Variants in DLGAP2 observed in about 807,000 individuals in gnomAD.
The protein encoded by DLGAP2 is disks large-associated protein 2.
Under a neutral mutation model 100.3 loss-of-function variants are expected in DLGAP2, and 26 were observed. The ratio of observed to expected loss-of-function variants is 0.26; its 90% CI spans 0.19 to 0.36. The LOEUF (loss-of-function observed/expected upper bound fraction) is 0.36, where lower values mean the gene tolerates loss of function less well. Ranked by LOEUF, DLGAP2 falls within the 10% of genes least tolerant of loss-of-function variation. The pLI is 1.00. For missense variants in DLGAP2, 1,858 were observed against 1,453.2 expected (o/e 1.28, Z -4.53); for synonymous variants, 886 against 630.1 (o/e 1.41, Z -6.08).
intron 3 of DLGAP2, chr8:1,262,581 T>C (rs945311702): frequency 5.9e-5 from 9 of 152,184 alleles, no homozygotes; most frequent in Admixed American, 5.9e-4. Context: ...CTCAGAACAA[T>C]CTCAGTTGTC....
intron 2 of DLGAP2, among the ~76,000 whole-genome samples, chr8:1,116,629 C>G (rs1213541742): frequency 2.6e-5 from 4 of 151,998 alleles, no homozygotes; most frequent in Non-Finnish European, 5.9e-5. Context: ...AACCCCATCT[C>G]TACAAAAAAA....
chr8:982,385 C>G (rs1800362381), intron 2 of DLGAP2, among the ~76,000 whole-genome samples: 1 of 152,184 alleles, frequency 6.6e-6, no homozygotes, highest in Non-Finnish European at 1.5e-5. Context: ...GGCTTCTTTA[C>G]TCTTATCTCA....
intron 6 of DLGAP2, chr8:1,621,187 C>G (rs570955810): frequency 2.0e-5 from 3 of 152,332 alleles, no homozygotes; most frequent in Admixed American, 6.5e-5. Flanking sequence ...TTTGGGAAGC[C>G]TTTGGTGGCA....
chr8:1,209,149 A>C (rs1043386452), intron 2 of DLGAP2, among the ~76,000 whole-genome samples: 1 of 152,168 alleles, frequency 6.6e-6, no homozygotes, highest in Non-Finnish European at 1.5e-5. Flanking sequence ...TAGAAAAAAC[A>C]ATCCTAAAAT....
rs75357778 is a variant in DLGAP2, at chr8:1,678,147, G to A, written c.2289-67G>A. The A allele has an allele frequency of 1.0e-3, 1,532 of 1,533,808 alleles. 12 individuals carry two copies. In the African/African-American group the frequency reaches 0.018, roughly 18 times the overall value. ...CAGGTGCGCTCCTGACAGGCGACAT[G>A]TAGGACTTTGTTGCATGAAGTCCTC... is the stretch of plus-strand genomic sequence containing the variant. On this transcript the variant is annotated intron_variant, in intron 11 of 14. Coordinates refer to ENST00000637795, the MANE Select transcript of DLGAP2 (RefSeq NM_001346810.2).
intron 2 of DLGAP2, among the ~76,000 whole-genome samples, chr8:1,086,278 T>C (rs1803970845): frequency 6.6e-6 from 1 of 152,204 alleles, no homozygotes; most frequent in African/African-American, 2.4e-5. Flanking sequence ...TTGCCCAGCA[T>C]AGGACTTCTA....
At chr8:1,112,237 ATTTTTTT>A (rs4044488) in intron 2 of DLGAP2, among the ~76,000 whole-genome samples, 11 of 98,032 alleles carry the variant, frequency 1.1e-4, no homozygotes, top group Non-Finnish European at 1.9e-4. Flanking sequence ...TCCTTTGCCC[ATTTTTTT>A]TTTTTTTTTT....
chr8:1,507,446 G>C (rs1362934471), intron 4 of DLGAP2, among the ~76,000 whole-genome samples: 1 of 152,150 alleles, frequency 6.6e-6, no homozygotes, highest in Non-Finnish European at 1.5e-5. Flanking sequence ...CGCTCCAAGT[G>C]CGGGGCCGCG....
At chr8:1,631,125 CA>C (rs1449712159) in intron 7 of DLGAP2, among the ~76,000 whole-genome samples, 1 of 152,122 alleles carries the variant, frequency 6.6e-6, no homozygotes, top group Non-Finnish European at 1.5e-5. Context: ...AGATGCTGCT[CA>C]ACCACTTTTT....
chr8:862,308 T>C (rs2128990118), intron 1 of DLGAP2, among the ~76,000 whole-genome samples: 1 of 151,588 alleles, frequency 6.6e-6, no homozygotes, highest in Non-Finnish European at 1.5e-5. Context: ...AGTTTTTTTT[T>C]TTTTTTTTTC....
chr8:836,658 C>A (rs975207784), intron 1 of DLGAP2, among the ~76,000 whole-genome samples: 20 of 152,290 alleles, frequency 1.3e-4, no homozygotes, highest in African/African-American at 4.3e-4. Flanking sequence ...TCCGTTTCCC[C>A]GGCCTACAGG....
chr8:1,444,318 C>G (rs970067936), intron 3 of DLGAP2, among the ~76,000 whole-genome samples: 2 of 152,208 alleles, frequency 1.3e-5, no homozygotes, highest in Non-Finnish European at 2.9e-5. Flanking sequence ...TTAATGGGCA[C>G]TTACACGGTA....
intron 1 of DLGAP2, among the ~76,000 whole-genome samples, chr8:779,490 G>A (rs764625500): frequency 6.7e-6 from 1 of 149,324 alleles, no homozygotes; most frequent in East Asian, 2.0e-4. Context: ...TTCAGACAGG[G>A]TCTTGCTCTG....
At chr8:995,208 A>G (rs1170814821) in intron 2 of DLGAP2, among the ~76,000 whole-genome samples, 4 of 152,178 alleles carry the variant, frequency 2.6e-5, no homozygotes, top group Non-Finnish European at 5.9e-5. Context: ...TTTTCACATT[A>G]CCGTATAAAA....
chr8:774,678 T>G (rs1024152755), intron 1 of DLGAP2, among the ~76,000 whole-genome samples: 12 of 152,022 alleles, frequency 7.9e-5, no homozygotes, highest in Admixed American at 7.9e-4. Flanking sequence ...GCATTATTTC[T>G]GAGGGCTCTG....
At chr8:1,278,137 C>T (rs138287080) in intron 3 of DLGAP2, among the ~76,000 whole-genome samples, 108 of 152,322 alleles carry the variant, frequency 7.1e-4, no homozygotes, top group African/African-American at 2.3e-3. Flanking sequence ...GAGTGGCATC[C>T]GTGCTCACGG....
At chr8:797,126 G>A (rs1018258247) in intron 1 of DLGAP2, among the ~76,000 whole-genome samples, 7 of 152,158 alleles carry the variant, frequency 4.6e-5, no homozygotes, top group African/African-American at 1.7e-4. Context: ...AGTTCCATGA[G>A]TTTTGACAAT....
At chr8:782,375 A>T (rs1217005927) in intron 1 of DLGAP2, among the ~76,000 whole-genome samples, 1 of 152,138 alleles carries the variant, frequency 6.6e-6, no homozygotes, top group Non-Finnish European at 1.5e-5. Context: ...TGTCTCTGGA[A>T]TTGATGACAT....
chr8:1,516,205 G>T (rs963816967), intron 4 of DLGAP2, among the ~76,000 whole-genome samples: 1 of 152,162 alleles, frequency 6.6e-6, no homozygotes, highest in African/African-American at 2.4e-5. Context: ...ATGAGTGAAT[G>T]TGTGCATGAA....
Sources: allele counts gnomAD v4.1 joint callset (sites outside exome capture counted in the v4.1 genomes callset), GRCh38; gene constraint gnomAD v4.1.1; transcripts MANE v1.5; gene names NCBI Gene and HGNC (gene_info 2026-07-23, HGNC 2026-07-21).